EPB41L1: variants seen among roughly 807,000 people sequenced by gnomAD.
The protein encoded by EPB41L1 is band 4.1-like protein 1.
Under a neutral mutation model 97.8 loss-of-function variants are expected in EPB41L1, and 29 were observed. The observed-to-expected ratio is 0.30, with a 90% CI of 0.22 to 0.40. EPB41L1 has a LOEUF of 0.40. Ranked by LOEUF, EPB41L1 falls within the 10% of genes least tolerant of loss-of-function variation. The pLI, the probability that EPB41L1 is intolerant of heterozygous loss-of-function variation, is 1.00. For missense variants in EPB41L1, 812 were observed against 1,162.3 expected (o/e 0.70, Z 4.38); for synonymous variants, 383 against 459.2 (o/e 0.83, Z 2.12).
rs759662141 is a variant in EPB41L1, at chr20:36,182,311, C to T, written c.530C>T (p.Pro177Leu). ...WNFAFTVKFY[P>L]PDPAQLTEDI... ...TTTGCCTTCACAGTCAAGTTCTACC[C>T]GCCTGATCCTGCCCAGCTGACAGAA... The change falls in exon 6 of 22, where the codon CCG becomes CTG. Residue 177 changes from proline to leucine, a missense_variant. Coordinates refer to ENST00000338074, the MANE Select transcript of EPB41L1 (RefSeq NM_012156.2). The T allele has an allele frequency of 6.2e-7, 1 of 1,613,966 alleles. No homozygotes were observed. The highest frequency in any genetic ancestry group is 8.5e-7 in the Non-Finnish European group (1 of 1,179,980).
chr20:36,174,062 A>AACC, intron 2 of EPB41L1, 108 bp downstream of exon 2: 1 of 1,207,786 alleles, frequency 8.3e-7, no homozygotes, highest in Middle Eastern at 2.7e-4. Flanking sequence ...GGAAACTAAG[A>AACC]TTTATTAGTG....
chr20:36,179,030 A>G (rs1441982341), intron 5 of EPB41L1, among the ~76,000 whole-genome samples: 1 of 151,516 alleles, frequency 6.6e-6, no homozygotes, highest in Non-Finnish European at 1.5e-5. Flanking sequence ...AGCTGAGATC[A>G]TGCCACTGCA....
At chr20:36,175,274 A>G (rs577976524) in intron 2 of EPB41L1, among the ~76,000 whole-genome samples, 63 of 152,228 alleles carry the variant, frequency 4.1e-4, no homozygotes, top group African/African-American at 1.5e-3. Context: ...CTTTGGTTTC[A>G]TGGGATGCTC....
intron 14 of EPB41L1, among the ~76,000 whole-genome samples, chr20:36,203,720 C>T (rs2062626970): frequency 1.3e-5 from 2 of 152,210 alleles, no homozygotes; most frequent in African/African-American, 2.4e-5. Context: ...CCTTAATGAC[C>T]TGAAGTAAAA....
intron 19 of EPB41L1, among the ~76,000 whole-genome samples, chr20:36,221,627 A>T (rs1315273983): frequency 1.3e-5 from 2 of 152,210 alleles, no homozygotes; most frequent in African/African-American, 2.4e-5. Context: ...GCAGCATTGG[A>T]GCTAGGCTTG....
chr20:36,091,821 A>C (rs2147424072), intron 1 of EPB41L1: 1 of 152,288 alleles, frequency 6.6e-6, no homozygotes, highest in South Asian at 2.1e-4. Flanking sequence ...GAAGGCAGAC[A>C]CTTCATCCCT....
At position 36,190,604 on chromosome 20, in the gene EPB41L1, T is replaced by C; in HGVS notation, c.1125-18T>C. ...GCAGGTCTGATTCCTCCTCCTCCCC[T>C]GCATCCCTCTGCTGCAGGCTGGTGT... On this transcript the variant is annotated intron_variant, in intron 10 of 21. Transcript: ENST00000338074. This position sits in a 1 kb window ranked among gnomAD's most constrained non-coding sequence, Gnocchi z 5.8. The C allele has an allele frequency of 6.2e-7, 1 of 1,613,836 alleles. No individual in the cohort carries two copies. Among genetic ancestry groups the C allele is most frequent in the Non-Finnish European group, 8.5e-7 (1 of 1,180,002 alleles).
At chr20:36,152,606 A>C (rs2060099605), upstream of EPB41L1, 6 of 209,910 alleles carry the variant, frequency 2.9e-5, no homozygotes, top group South Asian at 4.2e-4. Flanking sequence ...TTTGGAATCA[A>C]AATACTTGAA....
intron 1 of EPB41L1, among the ~76,000 whole-genome samples, chr20:36,157,783 C>T (rs2060370478): frequency 6.6e-6 from 1 of 152,204 alleles, no homozygotes; most frequent in Non-Finnish European, 1.5e-5. Context: ...ACTCCCTGCT[C>T]CCATTGGCTT....
Position 36,207,229 on chromosome 20 carries a change from C to T in EPB41L1, c.1669-2259C>T. The stretch of plus-strand genomic sequence containing the variant: ...CCATCTTTCGAAAGCCAGCCCAGAG[C>T]CCAAGGACCAAGTAGGGTTTGTGGT... On this transcript the variant is annotated intron_variant, in intron 14 of 21. Coordinates refer to ENST00000338074, the MANE Select transcript of EPB41L1 (RefSeq NM_012156.2). This position sits in a 1 kb window ranked among gnomAD's most constrained non-coding sequence, Gnocchi z 4.9. 2 of 1,281,338 alleles carry T rather than the reference C, an allele frequency of 1.6e-6. No homozygotes were observed. The highest frequency in any genetic ancestry group is 1.2e-5 in the South Asian group (1 of 80,238). 79.4% of individuals were successfully genotyped at this position (1,281,338 alleles called of 1,614,324 possible).
At chr20:36,116,596 C>T (rs767921099) in intron 2 of EPB41L1, among the ~76,000 whole-genome samples, 59 of 152,230 alleles carry the variant, frequency 3.9e-4, no homozygotes, top group African/African-American at 6.7e-4. Context: ...GTCCATTCCC[C>T]GGGGATCAGC....
chr20:36,108,304 A>G (rs2058268687), intron 1 of EPB41L1, among the ~76,000 whole-genome samples: 1 of 152,058 alleles, frequency 6.6e-6, no homozygotes, highest in Admixed American at 6.6e-5. Context: ...CATTGATTAC[A>G]TGTTGAGATA....
At chr20:36,116,348 G>A (rs1410994591) in intron 2 of EPB41L1, among the ~76,000 whole-genome samples, 3 of 152,138 alleles carry the variant, frequency 2.0e-5, no homozygotes, top group Admixed American at 6.5e-5. Context: ...GAGGGGTGTT[G>A]TGGCCAGCTG....
At chr20:36,188,173 A>G (rs746244924) in intron 8 of EPB41L1, among the ~76,000 whole-genome samples, 174 bp from the exon 9 acceptor site, 4 of 152,206 alleles carry the variant, frequency 2.6e-5, no homozygotes, top group Non-Finnish European at 5.9e-5. Flanking sequence ...GGATGAGTGA[A>G]TGACTGAATG....
In EPB41L1 at chr20:36,232,626, T is replaced by C. The variant is rs1163551442; in HGVS notation, c.*3286T>C. 2 of 398,958 alleles carry C rather than the reference T, an allele frequency of 5.0e-6. No individual in the cohort carries two copies. The highest frequency in any genetic ancestry group is 4.4e-6 in the Non-Finnish European group (1 of 226,112). 24.7% of individuals were successfully genotyped at this position (398,958 alleles called of 1,614,324 possible). A position where few individuals can be genotyped will look rare whatever the true frequency, so the allele number is the denominator to read the frequency against. ...ACATCACTCGAAATAATTTTTTTTTTCAAAAGCACCTTAACAACCAATTGC... is the reference window on the plus strand; with the variant it reads ...ACATCACTCGAAATAATTTTTTTTTCCAAAAGCACCTTAACAACCAATTGC... On this transcript the variant is annotated 3_prime_UTR_variant, in exon 22 of 22. Transcript: ENST00000338074.
At chr20:36,214,569 C>CAA in intron 17 of EPB41L1, 129 bp downstream of exon 17, 4 of 757,296 alleles carry the variant, frequency 5.3e-6, no homozygotes, top group Non-Finnish European at 9.1e-6. Flanking sequence ...AGGCATGGGA[C>CAA]ATAAGTCAGC....
At chr20:36,112,759 T>A (rs2147604288) in intron 2 of EPB41L1, among the ~76,000 whole-genome samples, 1 of 152,334 alleles carries the variant, frequency 6.6e-6, no homozygotes, top group Admixed American at 6.5e-5. Flanking sequence ...CCACCGTGGC[T>A]GGTGAAGGAC....
In EPB41L1 at chr20:36,190,840, A is replaced by G; in HGVS notation, c.1300+43A>G. On this transcript the variant is annotated intron_variant, in intron 11 of 21. Transcript: ENST00000338074. This position sits in a 1 kb window ranked among gnomAD's most constrained non-coding sequence, Gnocchi z 5.8. Reference sequence around the variant, plus strand: ...GGGCTGGGCGGGGAATGGTCTTCAGAGGGAACTGGGGGAGTGGGCATGCTG... The same window carrying G: ...GGGCTGGGCGGGGAATGGTCTTCAGGGGGAACTGGGGGAGTGGGCATGCTG... The G allele has an allele frequency of 5.0e-6, 8 of 1,607,196 alleles. No homozygotes were observed. The highest frequency in any genetic ancestry group is 6.8e-6 in the Non-Finnish European group (8 of 1,179,172).
At chr20:36,221,594 C>T (rs2063782969) in intron 19 of EPB41L1, among the ~76,000 whole-genome samples, 1 of 152,220 alleles carries the variant, frequency 6.6e-6, no homozygotes, top group Admixed American at 6.5e-5. Context: ...AAGACAGAAG[C>T]ATTGCCAACC....
Sources: gnomAD v4.1 joint callset for allele counts (sites outside exome capture counted in the v4.1 genomes callset) on GRCh38, gnomAD v4.1.1 for gene constraint, Gnocchi (gnomAD v3.1) non-coding constraint, MANE v1.5 for transcripts, NCBI Gene and HGNC (gene_info 2026-07-23, HGNC 2026-07-21) for gene names.